The following FAT3 variants were observed in gnomAD, a reference collection of about 807,000 sequenced individuals.
The protein encoded by FAT3 is protocadherin Fat 3.
FAT3 carries 95 observed loss-of-function variants against 310.2 expected under a neutral mutation model. The observed-to-expected ratio is 0.31, with a 90% CI of 0.26 to 0.36. FAT3 has a LOEUF of 0.36. Ranked by LOEUF, FAT3 falls within the 10% of genes least tolerant of loss-of-function variation. The pLI is 1.00. For missense variants in FAT3, 5,408 were observed against 5,715.6 expected (o/e 0.95, Z 1.74); for synonymous variants, 2,314 against 2,192.9 (o/e 1.06, Z -1.54).
chr11:92,588,764 C>T (rs1939281074), intron 3 of FAT3, among the ~76,000 whole-genome samples: 1 of 151,622 alleles, frequency 6.6e-6, no homozygotes, highest in African/African-American at 2.4e-5. Context: ...TAGTATGTGA[C>T]ACATTTCCTA....
chr11:92,398,287 G>C (rs1224632321), intron 2 of FAT3, among the ~76,000 whole-genome samples: 1 of 151,904 alleles, frequency 6.6e-6, no homozygotes, highest in Non-Finnish European at 1.5e-5. Context: ...GATCACCTGA[G>C]GTCAGGAGTT....
intron 1 of FAT3, among the ~76,000 whole-genome samples, chr11:92,293,546 A>ATG (rs1946764771): frequency 5.6e-5 from 1 of 17,876 alleles, no homozygotes; most frequent in Admixed American, 6.6e-4. Context: ...ATATATATAT[A>ATG]TATATAAATA....
At position 92,320,795 on chromosome 11, in the gene FAT3, A is replaced by G. The variant is rs1021861281; in HGVS notation, c.-17-31301A>G. Among the ~76,000 whole-genome samples, 5 of 150,240 alleles carry G rather than the reference A, an allele frequency of 3.3e-5. No homozygotes were observed. The South Asian group carries it at 6.5e-4, about 19-fold the overall frequency. On this transcript the variant is annotated intron_variant, in intron 1 of 27. Transcript: ENST00000525166. ...TGAGGCAGGAGAATCACTTGAACCCAGGAGGCAGAGGTTGCAGTGAGCTGA... is the reference window on the plus strand; with the variant it reads ...TGAGGCAGGAGAATCACTTGAACCCGGGAGGCAGAGGTTGCAGTGAGCTGA...
intron 1 of FAT3, among the ~76,000 whole-genome samples, chr11:92,272,401 A>G (rs189504559): frequency 6.2e-4 from 95 of 152,296 alleles, no homozygotes; most frequent in Non-Finnish European, 1.2e-3. Context: ...TAGTAAATGC[A>G]TGACATATTG....
At chr11:92,313,824 C>T (rs1290699590) in intron 1 of FAT3, among the ~76,000 whole-genome samples, 1 of 152,238 alleles carries the variant, frequency 6.6e-6, no homozygotes. Flanking sequence ...TCCCAAAGTG[C>T]TGGGATGACA....
intron 4 of FAT3, among the ~76,000 whole-genome samples, chr11:92,754,171 T>C (rs547159057): frequency 6.6e-6 from 1 of 152,014 alleles, no homozygotes; most frequent in South Asian, 2.1e-4. Flanking sequence ...ATAAAGACAA[T>C]ATTTTCCTAT....
In FAT3 at chr11:92,883,213, G is replaced by A. The variant is rs2136415691; in HGVS notation, c.12757G>A (p.Val4253Met). The A allele has an allele frequency of 1.9e-6, 3 of 1,613,216 alleles. No individual in the cohort carries two copies. The highest frequency in any genetic ancestry group is 2.2e-5 in the East Asian group (1 of 44,856). The change falls in exon 24 of 28, where the codon GTG becomes ATG. Residue 4253 changes from valine to methionine, a missense_variant. Val to Met is a conservative substitution (Grantham distance 21). This residue lies in a region of FAT3 where 649 missense variants were observed against 666.2 expected (regional missense o/e 0.97). Transcript: ENST00000525166. This position sits in a 1 kb window ranked among gnomAD's most constrained non-coding sequence, Gnocchi z 4.2. The stretch of plus-strand genomic sequence containing the variant: ...CTCCAGGAGCAACCTGGATAAGATC[G>A]TGGACGGGCTGGGAGGCGAGCACCA... ...SDSRSNLDKIVDGLGGEHQEM... is the reference protein window; with the variant it reads ...SDSRSNLDKIMDGLGGEHQEM...
intron 2 of FAT3, among the ~76,000 whole-genome samples, chr11:92,359,260 C>T (rs1948814696): frequency 3.3e-5 from 5 of 152,088 alleles, no homozygotes; most frequent in Admixed American, 3.3e-4. Flanking sequence ...TTTTAAAAGG[C>T]AGATACTTGA....
At chr11:92,889,927 TG>T in intron 27 of FAT3, 36 bp downstream of exon 27, 2 of 717,862 alleles carry the variant, frequency 2.8e-6, no homozygotes, top group Non-Finnish European at 5.2e-6. Context: ...ACTTTTTGTG[TG>T]TTTGTTTTGA....
At chr11:92,255,341 TAA>T (rs201587803) in intron 1 of FAT3, among the ~76,000 whole-genome samples, 1 of 144,412 alleles carries the variant, frequency 6.9e-6, no homozygotes. Flanking sequence ...GGTTTTTTTT[TAA>T]AAAAAAAAAA....
At chr11:92,596,562 G>A (rs533398938) in intron 3 of FAT3, among the ~76,000 whole-genome samples, 1 of 152,304 alleles carries the variant, frequency 6.6e-6, no homozygotes, top group East Asian at 1.9e-4. Context: ...GACAATGCAA[G>A]AGAGTAAACC....
chr11:92,709,781 G>C (rs1452023708), intron 4 of FAT3, among the ~76,000 whole-genome samples: 1 of 152,212 alleles, frequency 6.6e-6, no homozygotes, highest in African/African-American at 2.4e-5. Flanking sequence ...CTGATATGCA[G>C]AACAGGGAAG....
intron 25 of FAT3, among the ~76,000 whole-genome samples, chr11:92,888,661 C>G (rs1472945519): frequency 1.3e-5 from 2 of 152,200 alleles, no homozygotes; most frequent in African/African-American, 2.4e-5. Context: ...CCACACTTTA[C>G]TGGTGGGAGC....
intron 1 of FAT3, among the ~76,000 whole-genome samples, chr11:92,269,630 A>T (rs1034351580): frequency 3.3e-5 from 5 of 152,266 alleles, no homozygotes; most frequent in African/African-American, 1.2e-4. Context: ...AAAGGGTAAT[A>T]ATAAAACCGT....
intron 2 of FAT3, among the ~76,000 whole-genome samples, chr11:92,383,301 A>G (rs1218775314): frequency 2.6e-5 from 4 of 152,030 alleles, no homozygotes; most frequent in East Asian, 1.9e-4. Flanking sequence ...ATGAACATAC[A>G]TGTGTGTGTA....
intron 17 of FAT3, among the ~76,000 whole-genome samples, chr11:92,839,782 TAC>T: frequency 6.6e-6 from 1 of 152,192 alleles, no homozygotes; most frequent in East Asian, 1.9e-4. Flanking sequence ...ATACCTGAGC[TAC>T]AGAGGATTTA....
chr11:92,538,288 C>T (rs957163176), intron 3 of FAT3, among the ~76,000 whole-genome samples: 1 of 152,104 alleles, frequency 6.6e-6, no homozygotes, highest in African/African-American at 2.4e-5. Context: ...CTGTGAAATT[C>T]ACCAGTACAC....
intron 2 of FAT3, among the ~76,000 whole-genome samples, chr11:92,373,130 G>A (rs541291029): frequency 7.9e-5 from 12 of 152,192 alleles, no homozygotes; most frequent in South Asian, 4.2e-4. Flanking sequence ...TTTTTCCATC[G>A]TCCTTCCTAG....
intron 1 of FAT3, among the ~76,000 whole-genome samples, chr11:92,287,851 A>T (rs555945892): frequency 2.0e-5 from 3 of 152,292 alleles, no homozygotes; most frequent in African/African-American, 7.2e-5. Flanking sequence ...TGCTGCTGTG[A>T]AATGATCACA....
Sources: allele counts gnomAD v4.1 joint callset (sites outside exome capture counted in the v4.1 genomes callset), GRCh38; gene constraint gnomAD v4.1.1; regional missense constraint gnomAD v4.1.1; non-coding constraint Gnocchi (gnomAD v3.1); transcripts MANE v1.5; gene names NCBI Gene and HGNC (gene_info 2026-07-23, HGNC 2026-07-21).